The following HMCN1 variants were observed in gnomAD, a reference collection of about 807,000 sequenced individuals.
HMCN1 encodes hemicentin 1, also known as hemicentin-1.
In HMCN1, 321 loss-of-function variants were observed where a neutral mutation model predicts 625.9. The observed-to-expected ratio is 0.51, with a 90% confidence interval of 0.47 to 0.56. The LOEUF is 0.56. Ranked by LOEUF, HMCN1 falls within the 20% of genes least tolerant of loss-of-function variation. The pLI, the probability that HMCN1 is intolerant of heterozygous loss-of-function variation, is 0.00. For missense variants in HMCN1, 6,588 were observed against 6,887.3 expected, an observed-to-expected ratio of 0.96 and a Z score of 1.54; for synonymous variants, 2,425 against 2,417.6, an observed-to-expected ratio of 1.00 and a Z score of -0.09.
At chr1:186,152,711 A>T (rs1558263216) in intron 95 of HMCN1, 39 bp from the exon 96 acceptor site, 1 of 1,612,306 alleles carries the variant, frequency 6.2e-7, no homozygotes, top group African/African-American at 1.3e-5. Context: ...CAGAAACCAT[A>T]TTTTTTTGCT....
intron 17 of HMCN1, 61 bp from the exon 18 acceptor site, chr1:185,982,201 T>A (rs1337176839): frequency 8.3e-6 from 13 of 1,561,022 alleles, no homozygotes; most frequent in African/African-American, 1.4e-5. Flanking sequence ...GCCTGTGAAG[T>A]GGCTTACCTT....
rs1487738487 is a variant in HMCN1 at position 186,007,188 on chromosome 1, A to G, written c.4536A>G (p.Leu1512=). 1 of 1,613,186 alleles carries G rather than the reference A, an allele frequency of 6.2e-7. No individual in the cohort carries two copies. Among genetic ancestry groups the G allele is most frequent in the Non-Finnish European group, 8.5e-7 (1 of 1,179,222 alleles). Residue 1512 remains leucine, a synonymous_variant, in exon 30 of 107, where the codon TTA becomes TTG. Coordinates refer to ENST00000271588, the MANE Select transcript of HMCN1 (RefSeq NM_031935.3). ...ELLDRGQVLH[L]KNARRNDKGR... is the part of the protein sequence containing the mutation. ...TAGACAGAGGACAAGTCTTACATTT[A>G]AAGAATGCACGGAGAAATGACAAGG...
At chr1:186,161,072 T>A (rs1301653174) in intron 97 of HMCN1, among the ~76,000 whole-genome samples, 1 of 152,254 alleles carries the variant, frequency 6.6e-6, no homozygotes, top group Non-Finnish European at 1.5e-5. Context: ...TTTCTAGGTC[T>A]CTAAGGACTT....
At chr1:186,094,235 A>G (rs764608526) in intron 66 of HMCN1, 41 bp from the exon 67 acceptor site, 2 of 1,396,932 alleles carry the variant, frequency 1.4e-6, no homozygotes, top group South Asian at 1.2e-5. Context: ...TACTTGTTGT[A>G]TGGGAGCAAG....
At chr1:185,782,636 G>C (rs536552786) in intron 1 of HMCN1, among the ~76,000 whole-genome samples, 98 of 152,274 alleles carry the variant, frequency 6.4e-4, no homozygotes, top group African/African-American at 1.9e-3. Flanking sequence ...GAAATTCTGG[G>C]TTGAAAATTC....
intron 80 of HMCN1, 32 bp downstream of exon 80, chr1:186,120,177 C>A: frequency 6.2e-7 from 1 of 1,607,592 alleles, no homozygotes; most frequent in South Asian, 1.1e-5. Flanking sequence ...GTTTTCAATT[C>A]AAAGATGTTT....
At position 185,901,110 on chromosome 1, in the gene HMCN1, A is replaced by G. The variant is rs536739378; in HGVS notation, c.622-8227A>G. Among the ~76,000 whole-genome samples the G allele has an allele frequency of 9.2e-5, 14 of 151,966 alleles. No homozygotes were observed. In the East Asian group the frequency reaches 2.7e-3, roughly 29 times the overall value. On this transcript the variant is annotated intron_variant, in intron 4 of 106. Coordinates refer to ENST00000271588, the MANE Select transcript of HMCN1 (RefSeq NM_031935.3). ...ATCACTTCATCTATATTATTTCTAA[A>G]CCCAATAGGCACATGACAGGACAAT...
chr1:185,943,543 T>C (rs1668188324), intron 11 of HMCN1, among the ~76,000 whole-genome samples: 1 of 152,044 alleles, frequency 6.6e-6, no homozygotes, highest in Non-Finnish European at 1.5e-5. Context: ...TCAGGTACAG[T>C]CAGATGGAAG....
intron 1 of HMCN1, among the ~76,000 whole-genome samples, chr1:185,746,410 G>T (rs1381878340): frequency 6.6e-6 from 1 of 152,124 alleles, no homozygotes; most frequent in African/African-American, 2.4e-5. Context: ...AGTTCTAGAG[G>T]CTGGAAGTGC....
intron 6 of HMCN1, among the ~76,000 whole-genome samples, chr1:185,917,364 C>A (rs1484504897): frequency 6.6e-6 from 1 of 152,120 alleles, no homozygotes; most frequent in South Asian, 2.1e-4. Flanking sequence ...GAGTTAGGTA[C>A]CTGAGAAAGG....
intron 71 of HMCN1, among the ~76,000 whole-genome samples, chr1:186,111,906 G>A (rs1571367296): frequency 6.6e-6 from 1 of 152,140 alleles, no homozygotes; most frequent in East Asian, 1.9e-4. Flanking sequence ...AAAGATATAT[G>A]TATCTGGGAC....
intron 2 of HMCN1, among the ~76,000 whole-genome samples, chr1:185,846,957 CTT>C (rs1661859654): frequency 6.6e-6 from 1 of 152,098 alleles, no homozygotes; most frequent in Admixed American, 6.5e-5. Flanking sequence ...TGTTTCCTCT[CTT>C]AGATAATTCA....
chr1:185,901,417 T>A (rs900143582), intron 4 of HMCN1, among the ~76,000 whole-genome samples: 5 of 151,708 alleles, frequency 3.3e-5, no homozygotes, highest in African/African-American at 1.2e-4. Context: ...TACAAAGAAA[T>A]TCACCACATG....
chr1:185,861,518 A>G (rs1041153804), intron 2 of HMCN1, among the ~76,000 whole-genome samples: 15 of 152,334 alleles, frequency 9.8e-5, no homozygotes, highest in Middle Eastern at 3.4e-3. Context: ...TTCTGAATAT[A>G]CAATAGGAAT....
rs956906994 is a variant in HMCN1, at chr1:186,116,925, G to A, written c.11562-69G>A. 2.6e-6 allele frequency: 4 copies of A among 1,566,278 alleles called. No individual in the cohort carries two copies. The African/African-American group carries it at 5.4e-5, about 21-fold the overall frequency. ...TCATCAATTTACAACATGGTACCAT[G>A]TTAAACTAGCTGGGAAAATTTATGA... On this transcript the variant is annotated intron_variant, in intron 75 of 106. Transcript: ENST00000271588.
intron 20 of HMCN1, 113 bp from the exon 21 acceptor site, chr1:185,989,375 C>T (rs1003154028): frequency 2.5e-6 from 3 of 1,190,100 alleles, no homozygotes; most frequent in Non-Finnish European, 3.7e-6. Flanking sequence ...ACTCTATTCC[C>T]CTCTTGGAGA....
chr1:185,963,672 A>T (rs1047258603), intron 12 of HMCN1, 96 bp from the exon 13 acceptor site: 1 of 943,564 alleles, frequency 1.1e-6, no homozygotes, highest in Non-Finnish European at 1.7e-6. Context: ...ATAACTCTAC[A>T]ACGTTTGAAA....
At chr1:185,999,234 G>T (rs993986721) in intron 25 of HMCN1, among the ~76,000 whole-genome samples, 1 of 151,644 alleles carries the variant, frequency 6.6e-6, no homozygotes, top group African/African-American at 2.4e-5. Context: ...TTTATTTAAT[G>T]TTTTTTATTA....
intron 1 of HMCN1, among the ~76,000 whole-genome samples, chr1:185,742,002 G>A (rs910823318): frequency 6.6e-6 from 1 of 152,068 alleles, no homozygotes; most frequent in Admixed American, 6.5e-5. Context: ...CTACCGGAAT[G>A]GTTGCTTTGA....
Sources: gnomAD v4.1 joint callset for allele counts (sites outside exome capture counted in the v4.1 genomes callset) on GRCh38, gnomAD v4.1.1 for gene constraint, MANE v1.5 for transcripts, NCBI Gene and HGNC (gene_info 2026-07-23, HGNC 2026-07-21) for gene names.